MAPKAP1: variants seen among roughly 807,000 people sequenced by gnomAD.
The protein encoded by MAPKAP1 is target of rapamycin complex 2 subunit MAPKAP1.
MAPKAP1 carries 20 observed loss-of-function variants against 65.7 expected under a neutral mutation model. That is an observed-to-expected ratio of 0.30 (90% CI 0.21 to 0.44). The LOEUF is 0.44. MAPKAP1 is among the 20% of genes least tolerant of loss of function. The pLI is 1.00. For missense variants in MAPKAP1, 423 were observed against 648.0 expected, an observed-to-expected ratio of 0.65 and a Z score of 3.77; for synonymous variants, 222 against 244.3, an observed-to-expected ratio of 0.91 and a Z score of 0.85.
intron 10 of MAPKAP1, among the ~76,000 whole-genome samples, chr9:125,453,304 GATCT>G (rs1264733674): frequency 6.6e-6 from 1 of 152,258 alleles, no homozygotes; most frequent in Admixed American, 6.5e-5. Flanking sequence ...GACCTCAGAT[GATCT>G]ATCTGCCTCG....
intron 1 of MAPKAP1, among the ~76,000 whole-genome samples, chr9:125,673,190 A>G (rs1347014603): frequency 6.6e-6 from 1 of 152,132 alleles, no homozygotes; most frequent in African/African-American, 2.4e-5. Flanking sequence ...CAATGAATAT[A>G]TTTTCCTGTC....
intron 10 of MAPKAP1, among the ~76,000 whole-genome samples, chr9:125,451,368 C>T (rs1021191450): frequency 2.0e-5 from 3 of 152,168 alleles, no homozygotes; most frequent in African/African-American, 7.2e-5. Flanking sequence ...TCCACCTGTC[C>T]CTTAAGCAAT....
At chr9:125,657,221 A>T (rs945593640) in intron 4 of MAPKAP1, among the ~76,000 whole-genome samples, 1 of 152,152 alleles carries the variant, frequency 6.6e-6, no homozygotes, top group Non-Finnish European at 1.5e-5. Flanking sequence ...CAACTTCTCA[A>T]GTATACTTAG....
At chr9:125,658,837 C>T (rs2131757209) in intron 3 of MAPKAP1, among the ~76,000 whole-genome samples, 1 of 152,260 alleles carries the variant, frequency 6.6e-6, no homozygotes, top group South Asian at 2.1e-4. Flanking sequence ...TTAAATAAAT[C>T]AATCTGAGAC....
At chr9:125,649,217 G>A (rs1158573193) in intron 4 of MAPKAP1, among the ~76,000 whole-genome samples, 1 of 152,148 alleles carries the variant, frequency 6.6e-6, no homozygotes, top group Admixed American at 6.5e-5. Flanking sequence ...CTAGACCTCA[G>A]TGCTCGATAT....
intron 4 of MAPKAP1, among the ~76,000 whole-genome samples, chr9:125,657,081 T>A (rs930478966): frequency 1.3e-5 from 2 of 152,172 alleles, no homozygotes; most frequent in Non-Finnish European, 2.9e-5. Flanking sequence ...CAACAATTTC[T>A]ACAGTTATAA....
chr9:125,599,557 C>T (rs1246472745), intron 4 of MAPKAP1, among the ~76,000 whole-genome samples: 1 of 151,056 alleles, frequency 6.6e-6, no homozygotes, highest in Admixed American at 6.6e-5. Flanking sequence ...CAGAAAATGG[C>T]ATTTTGTAAC....
At position 125,638,159 on chromosome 9, in the gene MAPKAP1, T is replaced by C. The variant is rs555503161; in HGVS notation, c.498+19492A>G. Reference sequence around the variant, plus strand: ...GAGGGAAAGGGCTCTGATTGTCAAGTGGAGGAGTTTAGTTTTGCTACCTTG... The same window carrying C: ...GAGGGAAAGGGCTCTGATTGTCAAGCGGAGGAGTTTAGTTTTGCTACCTTG... On this transcript the variant is annotated intron_variant, in intron 4 of 11. Coordinates refer to ENST00000265960, the MANE Select transcript of MAPKAP1 (RefSeq NM_001006617.3). Among the ~76,000 whole-genome samples the C allele has an allele frequency of 1.8e-4, 28 of 152,194 alleles. No homozygotes were observed. The East Asian group carries it at 4.6e-3, about 25-fold the overall frequency.
At chr9:125,468,150 T>G in intron 9 of MAPKAP1, 41 bp from the exon 10 acceptor site, 1 of 1,602,184 alleles carries the variant, frequency 6.2e-7, no homozygotes, top group Non-Finnish European at 8.5e-7. Context: ...ACACAAGAAG[T>G]AGAAGGTGTA....
chr9:125,637,395 G>C (rs1833454951), intron 4 of MAPKAP1, among the ~76,000 whole-genome samples: 2 of 138,648 alleles, frequency 1.4e-5, no homozygotes, highest in Admixed American at 7.1e-5. Flanking sequence ...GTTTTGCCCT[G>C]TTTTCTAAAA....
At chr9:125,574,693 G>A (rs762180550) in intron 5 of MAPKAP1, among the ~76,000 whole-genome samples, 10 of 152,180 alleles carry the variant, frequency 6.6e-5, no homozygotes, top group Non-Finnish European at 1.5e-4. Flanking sequence ...ATCAAAAAAG[G>A]ACTAAATTAC....
At position 125,518,479 on chromosome 9, in the gene MAPKAP1, C is replaced by T. The variant is rs185611772; in HGVS notation, c.959-12062G>A. ...ATGACTTGAGAGCGGGAGCTCGAGA[C>T]CAGTGAAACCTCGTCGCTACAAAAA... On this transcript the variant is annotated intron_variant, in intron 7 of 11. Coordinates refer to ENST00000265960, the MANE Select transcript of MAPKAP1 (RefSeq NM_001006617.3). Among the ~76,000 whole-genome samples, 324 of 152,080 alleles carry T rather than the reference C, an allele frequency of 2.1e-3. 1 individual carries two copies. Among genetic ancestry groups the T allele is most frequent in the Non-Finnish European group, 2.0e-3 (139 of 68,014 alleles).
chr9:125,690,237 G>C (rs916001873), intron 1 of MAPKAP1, among the ~76,000 whole-genome samples: 1 of 152,184 alleles, frequency 6.6e-6, no homozygotes, highest in Non-Finnish European at 1.5e-5. Context: ...AAAAGAGAGA[G>C]AGCTGGCAAT....
chr9:125,617,887 A>C (rs1419191172), intron 4 of MAPKAP1, among the ~76,000 whole-genome samples: 1 of 152,204 alleles, frequency 6.6e-6, no homozygotes, highest in Non-Finnish European at 1.5e-5. Flanking sequence ...AAAACGGGTG[A>C]TAGGTACATG....
rs538084554 is a variant in MAPKAP1 at position 125,510,191 on chromosome 9, A to G, written c.959-3774T>C. 3.3e-5 allele frequency among the ~76,000 whole-genome samples: 5 copies of G among 152,294 alleles called. No individual in the cohort carries two copies. In the South Asian group the frequency reaches 1.0e-3, roughly 32 times the overall value. ...CAAAGGTAAAAAGTAGGAAGGGGGAAAAATGAAACCCATGGGGGTCTTCTG... is the reference window on the plus strand; with the variant it reads ...CAAAGGTAAAAAGTAGGAAGGGGGAGAAATGAAACCCATGGGGGTCTTCTG... On this transcript the variant is annotated intron_variant, in intron 7 of 11. Coordinates refer to ENST00000265960, the MANE Select transcript of MAPKAP1 (RefSeq NM_001006617.3).
intron 7 of MAPKAP1, among the ~76,000 whole-genome samples, chr9:125,509,433 G>A (rs1829237582): frequency 1.3e-5 from 2 of 152,052 alleles, no homozygotes; most frequent in Non-Finnish European, 2.9e-5. Flanking sequence ...TATAATAAAT[G>A]AAGGCCACTT....
intron 1 of MAPKAP1, among the ~76,000 whole-genome samples, chr9:125,682,401 G>A (rs183231916): frequency 8.3e-4 from 126 of 152,270 alleles, no homozygotes; most frequent in African/African-American, 2.9e-3. Flanking sequence ...ATAAAATACT[G>A]TTATTCAGCT....
intron 3 of MAPKAP1, among the ~76,000 whole-genome samples, chr9:125,664,326 A>C (rs1186775385): frequency 6.7e-6 from 1 of 150,280 alleles, no homozygotes; most frequent in Non-Finnish European, 1.5e-5. Context: ...CAGCCTGGGC[A>C]ATAAGAGTAA....
intron 4 of MAPKAP1, among the ~76,000 whole-genome samples, chr9:125,633,437 T>C (rs1355632304): frequency 2.0e-5 from 3 of 152,196 alleles, no homozygotes; most frequent in African/African-American, 7.2e-5. Context: ...TTAAATATAA[T>C]AGAACACATA....
Sources: gnomAD v4.1 joint callset for allele counts (sites outside exome capture counted in the v4.1 genomes callset) on GRCh38, gnomAD v4.1.1 for gene constraint, MANE v1.5 for transcripts, NCBI Gene and HGNC (gene_info 2026-07-23, HGNC 2026-07-21) for gene names.